The following PAK2 variants were observed in gnomAD, a reference collection of about 807,000 sequenced individuals.
The protein encoded by PAK2 is p21 (RAC1) activated kinase 2.
A neutral mutation model predicts 65.9 loss-of-function variants in PAK2; 21 were observed. The observed-to-expected ratio is 0.32, with a 90% CI of 0.23 to 0.46. The LOEUF (loss-of-function observed/expected upper bound fraction) is 0.46, where lower values mean the gene tolerates loss of function less well. Among genes scored for constraint, PAK2 ranks in the 20% least tolerant of loss-of-function variants. PAK2 has a pLI of 1.00. For synonymous variants in PAK2, 204 were observed against 219.7 expected, an observed-to-expected ratio of 0.93 and a Z score of 0.63; for missense variants, 324 against 642.6, an observed-to-expected ratio of 0.50 and a Z score of 5.36.
chr3:196,820,285 A>G lies in PAK2; in HGVS notation c.1154-86A>G. ...AAAAACAAGAGGCCTAATAGTCAAA[A>G]TATAATTAATTACATAATCTGAAGT... On this transcript the variant is annotated intron_variant, in intron 12 of 14. Coordinates refer to ENST00000327134, the MANE Select transcript of PAK2 (RefSeq NM_002577.4). This position sits in a 1 kb window ranked among gnomAD's most constrained non-coding sequence, Gnocchi z 4.6. 3.0e-6 allele frequency: 2 copies of G among 677,430 alleles called. No homozygotes were observed. The highest frequency in any genetic ancestry group is 4.6e-6 in the Non-Finnish European group (2 of 430,840). The allele number at this position is 677,430 out of a possible 1,614,324, so 42.0% of individuals were successfully genotyped here. A position where few individuals can be genotyped will look rare whatever the true frequency, so the allele number is the denominator to read the frequency against.
At position 196,791,721 on chromosome 3, in the gene PAK2, A is replaced by G. The variant is rs1715076224; in HGVS notation, c.187+8888A>G. ...AGGTGGATCACGAGGTCAGGAGATC[A>G]AGACCATCCTGGCTAACAAGGTGAA... is the stretch of plus-strand genomic sequence containing the variant. On this transcript the variant is annotated intron_variant, in intron 2 of 14. Coordinates refer to ENST00000327134, the MANE Select transcript of PAK2 (RefSeq NM_002577.4). The surrounding 1 kb of genome is among the most constrained non-coding windows in gnomAD (Gnocchi z 4.0). 6.6e-6 allele frequency among the ~76,000 whole-genome samples: 1 copy of G among 151,964 alleles called. No homozygotes were observed. Among genetic ancestry groups the G allele is most frequent in the Non-Finnish European group, 1.5e-5 (1 of 67,962 alleles).
At chr3:196,826,206 C>G (rs1030221282) in intron 13 of PAK2, among the ~76,000 whole-genome samples, 1 of 150,422 alleles carries the variant, frequency 6.6e-6, no homozygotes, top group African/African-American at 2.5e-5. Flanking sequence ...GAGTCTCGCT[C>G]TGTCGCCCAG....
At chr3:196,796,211 T>G (rs1001551932) in intron 2 of PAK2, among the ~76,000 whole-genome samples, 52 of 151,008 alleles carry the variant, frequency 3.4e-4, no homozygotes, top group Non-Finnish European at 6.3e-4. Context: ...GTATGCGTTC[T>G]TTCTTATCTA....
At chr3:196,750,620 A>T (rs1429407276) in intron 1 of PAK2, among the ~76,000 whole-genome samples, 1 of 151,942 alleles carries the variant, frequency 6.6e-6, no homozygotes, top group Non-Finnish European at 1.5e-5. Context: ...ATTCAACATT[A>T]TCTTTCCTTG....
At chr3:196,752,883 C>T (rs866998774) in intron 1 of PAK2, among the ~76,000 whole-genome samples, 87 of 152,230 alleles carry the variant, frequency 5.7e-4, no homozygotes, top group African/African-American at 1.6e-3. Context: ...TGAGCCACCA[C>T]GTCTGGCCTA....
intron 1 of PAK2, among the ~76,000 whole-genome samples, chr3:196,780,496 C>T (rs1013833887): frequency 1.3e-5 from 2 of 152,158 alleles, no homozygotes; most frequent in African/African-American, 4.8e-5. Context: ...GAGATGTACT[C>T]CCTATCAGGA....
chr3:196,797,944 GGAT>G (rs747801401), intron 2 of PAK2, among the ~76,000 whole-genome samples: 2 of 152,082 alleles, frequency 1.3e-5, no homozygotes, highest in Non-Finnish European at 2.9e-5. Context: ...AATATTTGTA[GGAT>G]ACTGCTAAAG....
intron 2 of PAK2, among the ~76,000 whole-genome samples, chr3:196,801,272 C>T (rs1715414543): frequency 6.6e-6 from 1 of 152,174 alleles, no homozygotes; most frequent in Non-Finnish European, 1.5e-5. Flanking sequence ...GTCCACATTG[C>T]TCAGCATCTG....
At position 196,754,861 on chromosome 3, in the gene PAK2, C is replaced by T. The variant is rs149009215; in HGVS notation, c.-22+14704C>T. On this transcript the variant is annotated intron_variant, in intron 1 of 14. Coordinates refer to ENST00000327134, the MANE Select transcript of PAK2 (RefSeq NM_002577.4). ...ACTGTGGCTGCCACAAAAACTGCCTCTGTGTAGCAAGGAGTGGCTGACCAA... is the reference window on the plus strand; with the variant it reads ...ACTGTGGCTGCCACAAAAACTGCCTTTGTGTAGCAAGGAGTGGCTGACCAA... Among the ~76,000 whole-genome samples the T allele has an allele frequency of 9.8e-4, 150 of 152,318 alleles. 1 individual carries two copies. Among genetic ancestry groups the T allele is most frequent in the African/African-American group, 3.5e-3 (147 of 41,566 alleles).
intron 7 of PAK2, among the ~76,000 whole-genome samples, chr3:196,808,308 A>G (rs1715653637): frequency 6.6e-6 from 1 of 151,390 alleles, no homozygotes. Flanking sequence ...CACGCCTGTA[A>G]TCCCAGCACT....
At chr3:196,821,360 G>C (rs867458588) in intron 13 of PAK2, among the ~76,000 whole-genome samples, 2 of 150,700 alleles carry the variant, frequency 1.3e-5, no homozygotes, top group African/African-American at 4.9e-5. Flanking sequence ...ACCACAACAG[G>C]ATAACACTTC....
intron 1 of PAK2, among the ~76,000 whole-genome samples, chr3:196,754,287 A>C (rs1713700549): frequency 6.6e-6 from 1 of 152,108 alleles, no homozygotes; most frequent in South Asian, 2.1e-4. Flanking sequence ...TTTTGCTATT[A>C]GGATCAGTGC....
chr3:196,777,772 C>T (rs539205605), intron 1 of PAK2, among the ~76,000 whole-genome samples: 3 of 152,152 alleles, frequency 2.0e-5, no homozygotes, highest in Non-Finnish European at 4.4e-5. Flanking sequence ...CTCAGGTCGT[C>T]TTTTATTTTC....
intron 1 of PAK2, among the ~76,000 whole-genome samples, chr3:196,768,266 CT>C (rs1714239279): frequency 6.6e-6 from 1 of 151,860 alleles, no homozygotes; most frequent in Non-Finnish European, 1.5e-5. Context: ...ATTTTTTACT[CT>C]CTTTGTTTTG....
At chr3:196,809,502 C>T (rs1043718182) in intron 7 of PAK2, among the ~76,000 whole-genome samples, 3 of 151,038 alleles carry the variant, frequency 2.0e-5, no homozygotes, top group African/African-American at 7.3e-5. Flanking sequence ...CGCCACCACA[C>T]CCCGCTAATT....
At chr3:196,823,014 G>T (rs917020021) in intron 13 of PAK2, among the ~76,000 whole-genome samples, 1 of 152,162 alleles carries the variant, frequency 6.6e-6, no homozygotes, top group Non-Finnish European at 1.5e-5. Flanking sequence ...TTTACTGGAG[G>T]CCAAATGGGG....
intron 1 of PAK2, among the ~76,000 whole-genome samples, chr3:196,779,978 CTTT>C: frequency 6.6e-6 from 1 of 152,360 alleles, no homozygotes; most frequent in East Asian, 1.9e-4. Context: ...TGTTACTAAG[CTTT>C]GTCTTTCTTC....
intron 7 of PAK2, among the ~76,000 whole-genome samples, chr3:196,809,348 CTTT>C (rs758343803): frequency 1.1e-5 from 1 of 90,714 alleles, no homozygotes; most frequent in Non-Finnish European, 2.0e-5. Context: ...TTATTATTAT[CTTT>C]TTTTTTTTTT....
At chr3:196,796,097 G>A (rs1715251764) in intron 2 of PAK2, among the ~76,000 whole-genome samples, 2 of 152,202 alleles carry the variant, frequency 1.3e-5, no homozygotes, top group African/African-American at 4.8e-5. Flanking sequence ...AGCTCGGGCG[G>A]TGATGCTCAC....
Sources: allele counts gnomAD v4.1 joint callset (sites outside exome capture counted in the v4.1 genomes callset), GRCh38; gene constraint gnomAD v4.1.1; non-coding constraint Gnocchi (gnomAD v3.1); transcripts MANE v1.5; gene names NCBI Gene and HGNC (gene_info 2026-07-23, HGNC 2026-07-21).